NHEJ1: variants seen among roughly 807,000 people sequenced by gnomAD.
NHEJ1 encodes non-homologous end-joining factor 1.
In NHEJ1, 22 loss-of-function variants were observed where a neutral mutation model predicts 39.4. That is an observed-to-expected ratio of 0.56 (90% CI 0.40 to 0.80). The LOEUF (loss-of-function observed/expected upper bound fraction) is 0.80. NHEJ1 is among the 30% of genes least tolerant of loss of function. NHEJ1 has a pLI of 0.00. For missense variants in NHEJ1, 329 were observed against 357.1 expected (o/e 0.92, Z 0.63); for synonymous variants, 154 against 135.6 (o/e 1.14, Z -0.94).
At position 219,111,353 on chromosome 2, in the gene NHEJ1, G is replaced by A. The variant is rs1949363708; in HGVS notation, c.589-33147C>T. On this transcript the variant is annotated intron_variant, in intron 5 of 7. Transcript: ENST00000356853. This position sits in a 1 kb window ranked among gnomAD's most constrained non-coding sequence, Gnocchi z 4.1. ...CCTTAAAAAGCAAAGTAGGGGGATG[G>A]TACAGCTTTTAAAAGAGGGGACCAG... is the stretch of plus-strand genomic sequence containing the variant. Among the ~76,000 whole-genome samples, 1 of 152,108 alleles carries A rather than the reference G, an allele frequency of 6.6e-6. No individual in the cohort carries two copies. Among genetic ancestry groups the A allele is most frequent in the Non-Finnish European group, 1.5e-5 (1 of 68,032 alleles).
At chr2:219,158,479 GA>G (rs1949879751) in intron 1 of NHEJ1, 117 bp from the exon 2 acceptor site, 1 of 920,404 alleles carries the variant, frequency 1.1e-6, no homozygotes, top group East Asian at 2.5e-5. Flanking sequence ...TGATAAAATA[GA>G]AGGCATGGAT....
rs150720875 is a variant in NHEJ1 at position 219,152,964 on chromosome 2, G to A, written c.390+4508C>T. 3.6e-3 allele frequency among the ~76,000 whole-genome samples: 550 copies of A among 151,754 alleles called. 2 individuals carry two copies. Among genetic ancestry groups the A allele is most frequent in the African/African-American group, 0.013 (520 of 41,356 alleles). On this transcript the variant is annotated intron_variant, in intron 3 of 7. Transcript: ENST00000356853. Reference sequence around the variant, plus strand: ...ATTACAGGCATGCACCACCATGCCCGGCTAATTTTTGTATTTTTAGTAGAG... The same window carrying A: ...ATTACAGGCATGCACCACCATGCCCAGCTAATTTTTGTATTTTTAGTAGAG...
At chr2:219,104,436 C>T (rs1949295717) in intron 5 of NHEJ1, among the ~76,000 whole-genome samples, 2 of 152,328 alleles carry the variant, frequency 1.3e-5, no homozygotes, top group African/African-American at 4.8e-5. Flanking sequence ...TCGCTGCTCT[C>T]TCTACCCAGG....
intron 3 of NHEJ1, among the ~76,000 whole-genome samples, chr2:219,157,214 C>T (rs1450182161): frequency 6.6e-6 from 1 of 152,144 alleles, no homozygotes. Flanking sequence ...GTCTGGATAA[C>T]CAACAATTAG....
At chr2:219,094,237 G>T (rs1374821814) in intron 5 of NHEJ1, among the ~76,000 whole-genome samples, 1 of 152,080 alleles carries the variant, frequency 6.6e-6, no homozygotes, top group Non-Finnish European at 1.5e-5. Flanking sequence ...AATTAAGCAG[G>T]ACTTACTAGC....
intron 5 of NHEJ1, among the ~76,000 whole-genome samples, chr2:219,120,026 T>C (rs1020374609): frequency 1.3e-5 from 2 of 152,172 alleles, no homozygotes; most frequent in African/African-American, 4.8e-5. Flanking sequence ...GAAATTCGAA[T>C]TTAGCACCGA....
chr2:219,130,802 T>C (rs1436645447), intron 5 of NHEJ1, among the ~76,000 whole-genome samples: 1 of 152,124 alleles, frequency 6.6e-6, no homozygotes, highest in Non-Finnish European at 1.5e-5. Context: ...TTAAATCCAG[T>C]GTGAGGCTGG....
At chr2:219,110,168 A>G (rs532019844) in intron 5 of NHEJ1, among the ~76,000 whole-genome samples, 18 of 152,240 alleles carry the variant, frequency 1.2e-4, no homozygotes, top group Non-Finnish European at 2.1e-4. Flanking sequence ...ACAGACAAAA[A>G]TCCCTGCCCT....
rs183730452 is a variant in NHEJ1, at chr2:219,128,315, T to C, written c.588+18365A>G. On this transcript the variant is annotated intron_variant, in intron 5 of 7. Coordinates refer to ENST00000356853, the MANE Select transcript of NHEJ1 (RefSeq NM_024782.3). Reference sequence around the variant, plus strand: ...CAGTTTGAGTACTATTGAACTTGTATGGTAAGTCACATATGGTACATGCTG... The same window carrying C: ...CAGTTTGAGTACTATTGAACTTGTACGGTAAGTCACATATGGTACATGCTG... Among the ~76,000 whole-genome samples the C allele has an allele frequency of 2.3e-3, 353 of 152,342 alleles. 7 individuals are homozygous for C. Among genetic ancestry groups the C allele is most frequent in the Admixed American group, 2.5e-3 (39 of 15,310 alleles).
Position 219,075,326 on chromosome 2 carries a change from G to A in NHEJ1, c.*1055C>T, listed in dbSNP as rs1949002168. On this transcript the variant is annotated 3_prime_UTR_variant, in exon 8 of 8. Coordinates refer to ENST00000356853, the MANE Select transcript of NHEJ1 (RefSeq NM_024782.3). ...CAATAAATGTTAGCTATTTATTATT[G>A]TTGTTCTTATTATAATTATTTTATT... 6.6e-6 allele frequency: 1 copy of A among 152,146 alleles called. No homozygotes were observed. The highest frequency in any genetic ancestry group is 2.4e-5 in the African/African-American group (1 of 41,440). The allele number at this position is 152,146 out of a possible 1,614,324, so 9.4% of individuals were successfully genotyped here. A position where few individuals can be genotyped will look rare whatever the true frequency, so the allele number is the denominator to read the frequency against.
At chr2:219,096,802 G>A (rs1389854452) in intron 5 of NHEJ1, among the ~76,000 whole-genome samples, 1 of 152,112 alleles carries the variant, frequency 6.6e-6, no homozygotes, top group East Asian at 1.9e-4. Flanking sequence ...AGACAAAGGT[G>A]GTAAGAGATG....
intron 5 of NHEJ1, among the ~76,000 whole-genome samples, chr2:219,079,257 C>T (rs1949041729): frequency 6.8e-6 from 1 of 147,508 alleles, no homozygotes; most frequent in Non-Finnish European, 1.5e-5. Flanking sequence ...TGTCCCTAGG[C>T]GTGCAAATCA....
At chr2:219,142,967 G>A (rs561012123) in intron 5 of NHEJ1, among the ~76,000 whole-genome samples, 7 of 152,342 alleles carry the variant, frequency 4.6e-5, no homozygotes, top group South Asian at 2.1e-4. Context: ...ATAGGGAGAA[G>A]TAACCCCTGT....
chr2:219,124,021 T>C (rs1019865364), intron 5 of NHEJ1, among the ~76,000 whole-genome samples: 5 of 152,146 alleles, frequency 3.3e-5, no homozygotes, highest in Admixed American at 6.5e-5. Flanking sequence ...GGAATCGAAA[T>C]TGTTAGCAAT....
At chr2:219,080,417 C>T (rs566779635) in intron 5 of NHEJ1, among the ~76,000 whole-genome samples, 3 of 151,514 alleles carry the variant, frequency 2.0e-5, no homozygotes, top group Non-Finnish European at 2.9e-5. Context: ...CCCAGCTGCT[C>T]GGGAGGCTGA....
chr2:219,133,047 C>A (rs1316400263), intron 5 of NHEJ1, among the ~76,000 whole-genome samples: 2 of 152,166 alleles, frequency 1.3e-5, no homozygotes, highest in Non-Finnish European at 2.9e-5. Flanking sequence ...ATCTCCCACA[C>A]TGAATGAAAA....
chr2:219,127,564 A>G (rs1486203064), intron 5 of NHEJ1, among the ~76,000 whole-genome samples: 2 of 152,218 alleles, frequency 1.3e-5, no homozygotes, highest in Admixed American at 1.3e-4. Context: ...TCTCTTACTT[A>G]AATTCCACCA....
chr2:219,080,642 TA>T, intron 5 of NHEJ1, among the ~76,000 whole-genome samples: 1 of 104,722 alleles, frequency 9.5e-6, no homozygotes, highest in Non-Finnish European at 1.9e-5. Flanking sequence ...TATATAAGCT[TA>T]TATATATGCT....
intron 5 of NHEJ1, among the ~76,000 whole-genome samples, chr2:219,127,569 C>T (rs1949537335): frequency 6.6e-6 from 1 of 152,172 alleles, no homozygotes; most frequent in Non-Finnish European, 1.5e-5. Context: ...TACTTAAATT[C>T]CACCAACTCT....
Sources: allele counts gnomAD v4.1 joint callset (sites outside exome capture counted in the v4.1 genomes callset), GRCh38; gene constraint gnomAD v4.1.1; non-coding constraint Gnocchi (gnomAD v3.1); transcripts MANE v1.5; gene names NCBI Gene and HGNC (gene_info 2026-07-23, HGNC 2026-07-21).